The following NELL1 variants were observed in gnomAD, a reference collection of about 807,000 sequenced individuals.
NELL1 encodes protein kinase C-binding protein NELL1.
In NELL1, 76 loss-of-function variants were observed where a neutral mutation model predicts 107.4. That is an observed-to-expected ratio of 0.71 (90% CI 0.59 to 0.86). NELL1 has a LOEUF of 0.86. NELL1 is among the 40% of genes least tolerant of loss of function. The pLI is 0.00. For synonymous variants in NELL1, 353 were observed against 341.2 expected (o/e 1.03, Z -0.38); for missense variants, 1,024 against 1,005.5 (o/e 1.02, Z -0.25).
intron 16 of NELL1, among the ~76,000 whole-genome samples, chr11:21,553,406 A>T (rs1022044930): frequency 6.6e-6 from 1 of 151,796 alleles, no homozygotes; most frequent in Non-Finnish European, 1.5e-5. Flanking sequence ...TGTCCAAGAG[A>T]ACTGTTTAAT....
chr11:20,966,968 C>T (rs750148705), intron 12 of NELL1, among the ~76,000 whole-genome samples: 3 of 152,128 alleles, frequency 2.0e-5, no homozygotes, highest in Non-Finnish European at 2.9e-5. Context: ...AAGCTCTGCC[C>T]TTAGGAATGA....
At chr11:21,042,270 T>C (rs1037720312) in intron 12 of NELL1, among the ~76,000 whole-genome samples, 7 of 152,202 alleles carry the variant, frequency 4.6e-5, no homozygotes, top group Non-Finnish European at 1.0e-4. Context: ...AAGGCTATTG[T>C]CAAAATATAT....
chr11:21,324,968 A>G lies in NELL1; in HGVS notation c.1550-45885A>G, dbSNP rs80020384. On this transcript the variant is annotated intron_variant, in intron 14 of 19. Coordinates refer to ENST00000357134, the MANE Select transcript of NELL1 (RefSeq NM_006157.5). ...TGTTTTAGAATCATCCTTACTTTCC[A>G]ACCTCCCCCCATCTTTGTTTTATAG... Among the ~76,000 whole-genome samples, 1,501 of 152,024 alleles carry G rather than the reference A, an allele frequency of 9.9e-3. 24 individuals carry two copies. Among genetic ancestry groups the G allele is most frequent in the African/African-American group, 0.035 (1,439 of 41,490 alleles).
chr11:20,830,460 C>G (rs1311877751), intron 3 of NELL1, among the ~76,000 whole-genome samples: 1 of 151,622 alleles, frequency 6.6e-6, no homozygotes, highest in Non-Finnish European at 1.5e-5. Context: ...CCTCAGCCTC[C>G]CAAGTAGCTG....
chr11:20,774,624 A>G (rs987188315), intron 2 of NELL1, among the ~76,000 whole-genome samples: 34 of 152,112 alleles, frequency 2.2e-4, no homozygotes, highest in African/African-American at 8.2e-4. Context: ...CTTCATGAAT[A>G]GAAGGTGTGT....
chr11:21,541,881 A>T (rs1564950541), intron 16 of NELL1, among the ~76,000 whole-genome samples: 1 of 152,104 alleles, frequency 6.6e-6, no homozygotes, highest in Admixed American at 6.6e-5. Context: ...CACCTGTCAC[A>T]TGAAAACAAT....
At chr11:20,705,761 A>G (rs1276869510) in intron 2 of NELL1, among the ~76,000 whole-genome samples, 1 of 150,454 alleles carries the variant, frequency 6.6e-6, no homozygotes, top group Non-Finnish European at 1.5e-5. Context: ...TTTGCAACCT[A>G]CTCATCTGAC....
chr11:20,694,043 C>G (rs1221552847), intron 2 of NELL1, among the ~76,000 whole-genome samples: 6 of 152,130 alleles, frequency 3.9e-5, no homozygotes, highest in Non-Finnish European at 8.8e-5. Flanking sequence ...GTTTCATCTT[C>G]CATCACTGAT....
intron 15 of NELL1, among the ~76,000 whole-genome samples, chr11:21,391,332 G>A (rs1000551721): frequency 6.6e-6 from 1 of 151,602 alleles, no homozygotes; most frequent in Non-Finnish European, 1.5e-5. Flanking sequence ...GTGGCTTTGT[G>A]AGCATCTATT....
chr11:21,309,291 T>TATGTATATATATA, intron 14 of NELL1, among the ~76,000 whole-genome samples: 1 of 78,836 alleles, frequency 1.3e-5, no homozygotes, highest in African/African-American at 3.9e-5. Flanking sequence ...TATATATATA[T>TATGTATATATATA]ATATATATGT....
At chr11:21,560,139 T>C (rs1345257456) in intron 16 of NELL1, 50 bp from the exon 17 acceptor site, 2 of 1,560,552 alleles carry the variant, frequency 1.3e-6, no homozygotes, top group Non-Finnish European at 1.8e-6. Context: ...TTGTTTGTTC[T>C]CTAAGTTCCC....
chr11:21,281,550 G>A (rs1199454209), intron 14 of NELL1, among the ~76,000 whole-genome samples: 1 of 152,138 alleles, frequency 6.6e-6, no homozygotes, highest in South Asian at 2.1e-4. Flanking sequence ...CCAGGGCCTT[G>A]AGTGAACTTA....
At chr11:21,500,116 A>G (rs1401115757) in intron 15 of NELL1, among the ~76,000 whole-genome samples, 1 of 152,144 alleles carries the variant, frequency 6.6e-6, no homozygotes, top group Non-Finnish European at 1.5e-5. Context: ...GAAAAATATT[A>G]AGTGAATCAA....
chr11:21,535,552 T>C (rs2133972373), intron 16 of NELL1, among the ~76,000 whole-genome samples: 1 of 152,310 alleles, frequency 6.6e-6, no homozygotes, highest in South Asian at 2.1e-4. Context: ...TTATCCCCCA[T>C]AGTCTTGACA....
intron 14 of NELL1, among the ~76,000 whole-genome samples, chr11:21,258,349 CT>C (rs1166852667): frequency 6.6e-6 from 1 of 151,952 alleles, no homozygotes; most frequent in Non-Finnish European, 1.5e-5. Context: ...CTAATTAGCA[CT>C]GTTGTCTTGG....
intron 12 of NELL1, among the ~76,000 whole-genome samples, chr11:21,074,116 AAG>A (rs1253478216): frequency 6.6e-6 from 1 of 152,122 alleles, no homozygotes; most frequent in Admixed American, 6.6e-5. Context: ...TTACATTTCT[AAG>A]AGAATAAGAT....
rs202008597 is a variant in NELL1 at position 20,988,435 on chromosome 11, ATATC to A, written c.1300+27879_1300+27882del. On this transcript the variant is annotated intron_variant, in intron 12 of 19. Coordinates refer to ENST00000357134, the MANE Select transcript of NELL1 (RefSeq NM_006157.5). The stretch of plus-strand genomic sequence containing the variant: ...TACACATGTACATATGTGTGTATAT[ATATC>A]TATATATACACATGTACATATATGT... Among the ~76,000 whole-genome samples, 951 of 126,946 alleles carry A rather than the reference ATATC, an allele frequency of 7.5e-3. 8 individuals are homozygous for A. The highest frequency in any genetic ancestry group is 0.039 in the East Asian group (158 of 4,064). The allele number at this position is 126,946 out of a possible 152,430, so 83.3% of individuals were successfully genotyped here.
intron 15 of NELL1, among the ~76,000 whole-genome samples, chr11:21,408,986 C>A (rs1180467945): frequency 1.3e-5 from 2 of 151,988 alleles, no homozygotes; most frequent in African/African-American, 4.8e-5. Context: ...GTTGGTGGGA[C>A]TGCAAACTAG....
intron 12 of NELL1, among the ~76,000 whole-genome samples, chr11:21,070,364 T>C (rs1334556711): frequency 1.3e-5 from 2 of 152,166 alleles, no homozygotes; most frequent in Non-Finnish European, 2.9e-5. Flanking sequence ...TGTTTGAGGA[T>C]CCTGGATGAA....
Sources: gnomAD v4.1 joint callset for allele counts (sites outside exome capture counted in the v4.1 genomes callset) on GRCh38, gnomAD v4.1.1 for gene constraint, MANE v1.5 for transcripts, NCBI Gene and HGNC (gene_info 2026-07-23, HGNC 2026-07-21) for gene names.